The following PHLPP1 variants were observed in gnomAD, a reference collection of about 807,000 sequenced individuals.
The protein encoded by PHLPP1 is PH domain and leucine rich repeat protein phosphatase 1, also known as PH domain leucine-rich repeat-containing protein phosphatase 1.
In PHLPP1, 42 loss-of-function variants were observed where a neutral mutation model predicts 117.2. The observed-to-expected ratio is 0.36, with a 90% CI of 0.28 to 0.46. PHLPP1 has a LOEUF of 0.46. Ranked by LOEUF, PHLPP1 falls within the 20% of genes least tolerant of loss-of-function variation. The probability of loss-of-function intolerance (pLI) is 1.00; values close to 1 mark genes in which losing one functional copy is unlikely to be tolerated. For missense variants in PHLPP1, 2,084 were observed against 2,241.9 expected (o/e 0.93, Z 1.42); for synonymous variants, 1,042 against 970.7 (o/e 1.07, Z -1.37).
chr18:62,873,134 G>T (rs1040207258), intron 4 of PHLPP1, among the ~76,000 whole-genome samples: 5 of 152,232 alleles, frequency 3.3e-5, no homozygotes, highest in Non-Finnish European at 5.9e-5. Context: ...CATAAGGGAT[G>T]ATAGAGAGTT....
In PHLPP1 at chr18:62,715,783, G is replaced by A. The variant is rs1029556181; in HGVS notation, c.100G>A (p.Ala34Thr). The A allele has an allele frequency of 9.9e-6, 8 of 809,082 alleles. No homozygotes were observed. In the Admixed American group the frequency reaches 3.5e-4, roughly 36 times the overall value. 50.1% of individuals were successfully genotyped at this position (809,082 alleles called of 1,614,324 possible). ...PAAAAAAAAA[A>T]AAAAAALAAA... ...GGCCGCCGCTGCGGCAGCAGCAGCAGCAGCGGCGGCCGCGGCGGCTCTGGC... is the reference window on the plus strand; with the variant it reads ...GGCCGCCGCTGCGGCAGCAGCAGCAACAGCGGCGGCCGCGGCGGCTCTGGC... The change falls in exon 1 of 17, where the codon GCA becomes ACA. Residue 34 changes from alanine to threonine, a missense_variant. Physicochemically the swap from Ala to Thr is moderately conservative, Grantham distance 58. Transcript: ENST00000262719.
chr18:62,979,609 C>A lies in PHLPP1; in HGVS notation c.*178C>A. On this transcript the variant is annotated 3_prime_UTR_variant, in exon 17 of 17. Coordinates refer to ENST00000262719, the MANE Select transcript of PHLPP1 (RefSeq NM_194449.4). ...TTTGGGTTATTTTTTTAAGTAATCACCACTTTCTTCTAGTGATGCTTTACC... is the reference window on the plus strand; with the variant it reads ...TTTGGGTTATTTTTTTAAGTAATCAACACTTTCTTCTAGTGATGCTTTACC... 1 of 642,102 alleles carries A rather than the reference C, an allele frequency of 1.6e-6. No individual in the cohort carries two copies. Among genetic ancestry groups the A allele is most frequent in the Non-Finnish European group, 2.7e-6 (1 of 376,456 alleles). 39.8% of individuals were successfully genotyped at this position (642,102 alleles called of 1,614,324 possible). A position where few individuals can be genotyped will look rare whatever the true frequency, so the allele number is the denominator to read the frequency against.
At chr18:62,832,295 G>A (rs1161913326) in intron 2 of PHLPP1, 1 of 152,152 alleles carries the variant, frequency 6.6e-6, no homozygotes, top group Non-Finnish European at 1.5e-5. Flanking sequence ...GTACTGTGGG[G>A]GATTAATGGA....
chr18:62,938,684 T>C (rs769221065), intron 10 of PHLPP1, among the ~76,000 whole-genome samples: 1 of 152,198 alleles, frequency 6.6e-6, no homozygotes, highest in Non-Finnish European at 1.5e-5. Flanking sequence ...TGCTGGCAGT[T>C]TCCCCCTTAA....
chr18:62,822,797 A>G (rs1490309138), intron 1 of PHLPP1, among the ~76,000 whole-genome samples: 3 of 152,218 alleles, frequency 2.0e-5, no homozygotes, highest in African/African-American at 7.2e-5. Flanking sequence ...ACTACTCAAG[A>G]TAGTATGAAG....
chr18:62,795,353 C>T lies in PHLPP1; in HGVS notation c.1577-34682C>T, dbSNP rs149492813. Among the ~76,000 whole-genome samples the T allele has an allele frequency of 1.4e-3, 211 of 151,710 alleles. 1 individual carries two copies. Among genetic ancestry groups the T allele is most frequent in the African/African-American group, 4.7e-3 (196 of 41,342 alleles). On this transcript the variant is annotated intron_variant, in intron 1 of 16. Coordinates refer to ENST00000262719, the MANE Select transcript of PHLPP1 (RefSeq NM_194449.4). ...ATTAGCTGGGAGTGGTGGCGTGCGC[C>T]TGTAGTCCCAGCTACTCGGGAGGCT...
At chr18:62,825,243 G>C (rs941753044) in intron 1 of PHLPP1, among the ~76,000 whole-genome samples, 1 of 151,840 alleles carries the variant, frequency 6.6e-6, no homozygotes, top group African/African-American at 2.4e-5. Context: ...ACAGGCATGA[G>C]CCACTGTGTC....
In PHLPP1 at chr18:62,805,338, T is replaced by G. The variant is rs958256725; in HGVS notation, c.1577-24697T>G. ...ACAGTGTAATATACACTGCATAGGT[T>G]ATACATATACAGTATAATATACACT... On this transcript the variant is annotated intron_variant, in intron 1 of 16. Transcript: ENST00000262719. 9.3e-5 allele frequency among the ~76,000 whole-genome samples: 14 copies of G among 151,118 alleles called. No homozygotes were observed. The East Asian group carries it at 2.7e-3, about 30-fold the overall frequency.
In PHLPP1 at chr18:62,716,751, C is replaced by G; in HGVS notation, c.1068C>G (p.Ala356=). 1 of 1,519,194 alleles carries G rather than the reference C, an allele frequency of 6.6e-7. No individual in the cohort carries two copies. Among genetic ancestry groups the G allele is most frequent in the Admixed American group, 2.0e-5 (1 of 49,458 alleles). 94.1% of individuals were successfully genotyped at this position (1,519,194 alleles called of 1,614,324 possible). Residue 356 remains alanine (A), a synonymous_variant, in exon 1 of 17, where the codon GCC becomes GCG. Transcript: ENST00000262719. This position sits in a 1 kb window ranked among gnomAD's most constrained non-coding sequence, Gnocchi z 5.7. Reference sequence around the variant, plus strand: ...AGAGCTTCAGTCTGAGTCCCAGCGCCGAGAGCGTGTCTGACCGGTTGGACC... The same window carrying G: ...AGAGCTTCAGTCTGAGTCCCAGCGCGGAGAGCGTGTCTGACCGGTTGGACC... ...DTESFSLSPS[A]ESVSDRLDPY...
rs142418645 is a variant in PHLPP1, at chr18:62,900,301, T to TAATAAATA, written c.2445-2620_2445-2613dup. ...GACAGAGCAAGACTTTGCCTTAAAA[T>TAATAAATA]AATAAATAAATAAATAAATAAATAA... On this transcript the variant is annotated intron_variant, in intron 6 of 16. Coordinates refer to ENST00000262719, the MANE Select transcript of PHLPP1 (RefSeq NM_194449.4). 9.5e-4 allele frequency among the ~76,000 whole-genome samples: 137 copies of TAATAAATA among 144,752 alleles called. 2 individuals carry two copies. Among genetic ancestry groups the TAATAAATA allele is most frequent in the East Asian group, 3.3e-3 (16 of 4,922 alleles). 95.0% of individuals were successfully genotyped at this position (144,752 alleles called of 152,430 possible).
At chr18:62,884,647 G>A (rs1197396139) in intron 4 of PHLPP1, among the ~76,000 whole-genome samples, 1 of 152,230 alleles carries the variant, frequency 6.6e-6, no homozygotes, top group Non-Finnish European at 1.5e-5. Flanking sequence ...AAGTGGGCTA[G>A]CATGTGCCCC....
At chr18:62,902,277 A>T (rs1916742549) in intron 6 of PHLPP1, among the ~76,000 whole-genome samples, 1 of 152,086 alleles carries the variant, frequency 6.6e-6, no homozygotes, top group Non-Finnish European at 1.5e-5. Context: ...TTCTCAATGG[A>T]TTCTAGATGC....
intron 1 of PHLPP1, among the ~76,000 whole-genome samples, chr18:62,729,226 T>G (rs893218727): frequency 1.3e-5 from 2 of 152,208 alleles, no homozygotes; most frequent in African/African-American, 4.8e-5. Flanking sequence ...AAGACACAAA[T>G]GGTACTGCTG....
chr18:62,896,482 C>T (rs1180106129), intron 6 of PHLPP1, among the ~76,000 whole-genome samples: 6 of 151,670 alleles, frequency 4.0e-5, no homozygotes, highest in Admixed American at 6.6e-5. Context: ...TTAGTAGAGA[C>T]GAAGTTTCAC....
chr18:62,817,993 T>G (rs1170814301), intron 1 of PHLPP1, among the ~76,000 whole-genome samples: 1 of 151,484 alleles, frequency 6.6e-6, no homozygotes, highest in Non-Finnish European at 1.5e-5. Flanking sequence ...TAGCTGGGAC[T>G]ACAGGTGTGC....
intron 3 of PHLPP1, among the ~76,000 whole-genome samples, chr18:62,850,659 G>T (rs921439070): frequency 6.6e-6 from 1 of 152,124 alleles, no homozygotes; most frequent in African/African-American, 2.4e-5. Flanking sequence ...CACCCAAGTT[G>T]AACTCTATTT....
At position 62,771,317 on chromosome 18, in the gene PHLPP1, A is replaced by G. The variant is rs1288873781; in HGVS notation, c.1576+54058A>G. Among the ~76,000 whole-genome samples, 5 of 152,090 alleles carry G rather than the reference A, an allele frequency of 3.3e-5. No individual in the cohort carries two copies. In the East Asian group the frequency reaches 5.8e-4, roughly 18 times the overall value. On this transcript the variant is annotated intron_variant, in intron 1 of 16. Coordinates refer to ENST00000262719, the MANE Select transcript of PHLPP1 (RefSeq NM_194449.4). The stretch of plus-strand genomic sequence containing the variant: ...CCATTGTTCCTGACTTTGAATGTAT[A>G]TGCTACCATTAAGCAATCATTTTCT...
Position 62,903,153 on chromosome 18 carries a change from T to C in PHLPP1, c.2634T>C (p.Tyr878=). ...DICGYFLKAL[Y]ASSNELVQLD... is the part of the protein sequence containing the mutation. ...GTGGCTATTTCCTAAAAGCGCTCTA[T>C]GCCTCTTCTAATGGTATGTATCATA... is the stretch of plus-strand genomic sequence containing the variant. The change falls in exon 7 of 17, where the codon TAT becomes TAC. Residue 878 remains tyrosine (Y), a synonymous_variant. Coordinates refer to ENST00000262719, the MANE Select transcript of PHLPP1 (RefSeq NM_194449.4). The C allele has an allele frequency of 6.2e-7, 1 of 1,609,976 alleles. No individual in the cohort carries two copies.
chr18:62,809,017 C>T (rs933231757), intron 1 of PHLPP1, among the ~76,000 whole-genome samples: 3 of 152,106 alleles, frequency 2.0e-5, no homozygotes, highest in Admixed American at 6.5e-5. Context: ...TAGAGATGCT[C>T]ATGTAGATCA....
Sources: allele counts gnomAD v4.1 joint callset (sites outside exome capture counted in the v4.1 genomes callset), GRCh38; gene constraint gnomAD v4.1.1; non-coding constraint Gnocchi (gnomAD v3.1); transcripts MANE v1.5; gene names NCBI Gene and HGNC (gene_info 2026-07-23, HGNC 2026-07-21).